The following PRKN variants were observed in gnomAD, a reference collection of about 807,000 sequenced individuals.
PRKN encodes parkin RBR E3 ubiquitin protein ligase, also known as E3 ubiquitin-protein ligase parkin.
In PRKN, 56 loss-of-function variants were observed where a neutral mutation model predicts 59.5. The ratio of observed to expected loss-of-function variants is 0.94; its 90% CI spans 0.76 to 1.18. PRKN has a LOEUF of 1.18. PRKN is among the 50% of genes most tolerant of loss of function. PRKN has a pLI of 0.00. For missense variants in PRKN, 657 were observed against 596.4 expected, an observed-to-expected ratio of 1.10 and a Z score of -1.06; for synonymous variants, 250 against 222.1, an observed-to-expected ratio of 1.13 and a Z score of -1.12.
chr6:161,876,553 T>A (rs537916250), intron 6 of PRKN, among the ~76,000 whole-genome samples: 1 of 152,274 alleles, frequency 6.6e-6, no homozygotes, highest in East Asian at 1.9e-4. Context: ...GCTCAAGTGA[T>A]CCTTTCTCCT....
intron 7 of PRKN, among the ~76,000 whole-genome samples, chr6:161,704,003 GCACCACCA>G (rs1331333000): frequency 6.6e-6 from 1 of 151,788 alleles, no homozygotes; most frequent in Non-Finnish European, 1.5e-5. Context: ...TTACAGGCAT[GCACCACCA>G]CACCTGGCTA....
chr6:161,469,541 AAGAGAAAGAGAGAG>A (rs1790666331), intron 9 of PRKN, among the ~76,000 whole-genome samples: 1 of 141,404 alleles, frequency 7.1e-6, no homozygotes. Context: ...TCCAGTGAAC[AAGAGAAAGAGAGAG>A]AGAGAGAGAG....
intron 4 of PRKN, among the ~76,000 whole-genome samples, chr6:162,178,403 A>G (rs1411847088): frequency 6.6e-6 from 1 of 152,138 alleles, no homozygotes; most frequent in Admixed American, 6.6e-5. Flanking sequence ...TCGCTCAGCA[A>G]TCTTGGCCCT....
chr6:161,553,272 G>T (rs2064419), intron 8 of PRKN, among the ~76,000 whole-genome samples: 71,623 of 151,828 alleles, frequency 0.47, 17,158 homozygotes, highest in East Asian at 0.67. Context: ...TAATGCACCT[G>T]GATAATTTTT....
At chr6:162,705,567 G>A (rs917138451) in intron 1 of PRKN, among the ~76,000 whole-genome samples, 20 of 152,214 alleles carry the variant, frequency 1.3e-4, no homozygotes, top group African/African-American at 3.9e-4. Flanking sequence ...CATCAGTCAT[G>A]GAAAGACATC....
chr6:162,720,782 G>A (rs763134699), intron 1 of PRKN, among the ~76,000 whole-genome samples: 1 of 152,170 alleles, frequency 6.6e-6, no homozygotes, highest in East Asian at 1.9e-4. Flanking sequence ...CTAGGTATAT[G>A]AGTCATGCAG....
intron 5 of PRKN, among the ~76,000 whole-genome samples, chr6:161,994,040 T>G (rs1288246483): frequency 1.3e-5 from 2 of 152,124 alleles, no homozygotes; most frequent in African/African-American, 4.8e-5. Flanking sequence ...GGTGATGAAA[T>G]TTCAACATAA....
chr6:161,401,926 G>A lies in PRKN; in HGVS notation c.1084-15049C>T, dbSNP rs1583022538. Among the ~76,000 whole-genome samples, 2 of 152,332 alleles carry A rather than the reference G, an allele frequency of 1.3e-5. No individual in the cohort carries two copies. Among genetic ancestry groups the A allele is most frequent in the East Asian group, 1.9e-4 (1 of 5,180 alleles). The stretch of plus-strand genomic sequence containing the variant: ...TCACACACCAATCTCTGGAGCGGAA[G>A]CCGTTAATGCTTCTACTTATATTCT... On this transcript the variant is annotated intron_variant, in intron 9 of 11. Coordinates refer to ENST00000366898, the MANE Select transcript of PRKN (RefSeq NM_004562.3). The surrounding 1 kb of genome is among the most constrained non-coding windows in gnomAD (Gnocchi z 4.4).
chr6:162,148,969 G>T (rs1322331524), intron 4 of PRKN, among the ~76,000 whole-genome samples: 3 of 152,130 alleles, frequency 2.0e-5, no homozygotes, highest in Non-Finnish European at 2.9e-5. Context: ...CAGGGTGGGG[G>T]TACTTACGGG....
chr6:161,572,190 C>A (rs1240486899), intron 7 of PRKN, among the ~76,000 whole-genome samples: 1 of 152,158 alleles, frequency 6.6e-6, no homozygotes, highest in Non-Finnish European at 1.5e-5. Flanking sequence ...TGAGTTATTT[C>A]CAATTCCAAA....
rs963875911 is a variant in PRKN, at chr6:161,481,170, C to T, written c.1083+67684G>A. 3.3e-5 allele frequency among the ~76,000 whole-genome samples: 5 copies of T among 152,148 alleles called. No individual in the cohort carries two copies. In the South Asian group the frequency reaches 6.2e-4, roughly 19 times the overall value. ...CATATTCCTTAAAAGCTATTCAAAC[C>T]GTATCAAGATTTTTTTAGAAAGGGC... On this transcript the variant is annotated intron_variant, in intron 9 of 11. Transcript: ENST00000366898.
chr6:161,682,702 A>T (rs1419667990), intron 7 of PRKN, among the ~76,000 whole-genome samples: 1 of 152,156 alleles, frequency 6.6e-6, no homozygotes, highest in Non-Finnish European at 1.5e-5. Flanking sequence ...TTTCATTCGG[A>T]AACACTTGGC....
At chr6:161,639,171 G>A (rs999557594) in intron 7 of PRKN, among the ~76,000 whole-genome samples, 7 of 152,100 alleles carry the variant, frequency 4.6e-5, no homozygotes, top group African/African-American at 7.2e-5. Context: ...GTGGAACTTT[G>A]AGTCAATTAA....
chr6:161,410,743 A>C lies in PRKN; in HGVS notation c.1084-23866T>G, dbSNP rs1787500266. ...GAGGGAGGGGCAACAGTGCCATGGG[A>C]AATGCATCATTGGTGCTCATGACAA... On this transcript the variant is annotated intron_variant, in intron 9 of 11. Coordinates refer to ENST00000366898, the MANE Select transcript of PRKN (RefSeq NM_004562.3). The surrounding 1 kb of genome is among the most constrained non-coding windows in gnomAD (Gnocchi z 5.3). Among the ~76,000 whole-genome samples, 1 of 152,130 alleles carries C rather than the reference A, an allele frequency of 6.6e-6. No homozygotes were observed. The highest frequency in any genetic ancestry group is 2.4e-5 in the African/African-American group (1 of 41,404).
intron 7 of PRKN, among the ~76,000 whole-genome samples, chr6:161,666,582 A>C (rs1437536596): frequency 6.6e-6 from 1 of 152,244 alleles, no homozygotes; most frequent in Non-Finnish European, 1.5e-5. Context: ...TAAGTAAGAA[A>C]AAAGCCAGTG....
rs1787702182 is a variant in PRKN at position 161,413,766 on chromosome 6, T to C, written c.1084-26889A>G. On this transcript the variant is annotated intron_variant, in intron 9 of 11. Transcript: ENST00000366898. This position sits in a 1 kb window ranked among gnomAD's most constrained non-coding sequence, Gnocchi z 4.4. ...CAAGGATAATGCCACACAAATGAGA[T>C]GTTCCAGCTCCCTAGCTCTGAGGAA... Among the ~76,000 whole-genome samples, 1 of 152,140 alleles carries C rather than the reference T, an allele frequency of 6.6e-6. No individual in the cohort carries two copies. Among genetic ancestry groups the C allele is most frequent in the African/African-American group, 2.4e-5 (1 of 41,416 alleles).
chr6:161,587,710 T>C (rs990963449), intron 7 of PRKN, among the ~76,000 whole-genome samples: 2 of 152,172 alleles, frequency 1.3e-5, no homozygotes, highest in African/African-American at 4.8e-5. Flanking sequence ...GTAAGTTCTT[T>C]AGTGGTGATA....
intron 4 of PRKN, among the ~76,000 whole-genome samples, chr6:162,185,112 A>T (rs2128324363): frequency 1.3e-5 from 2 of 152,248 alleles, no homozygotes; most frequent in Middle Eastern, 3.4e-3. Context: ...ATTTTCCTAG[A>T]TTTGTGATAT....
At chr6:162,066,888 T>C (rs1439827734) in intron 4 of PRKN, among the ~76,000 whole-genome samples, 5 of 152,202 alleles carry the variant, frequency 3.3e-5, no homozygotes, top group Admixed American at 6.5e-5. Flanking sequence ...CTTTCAGTTG[T>C]CTCCTCTCTT....
Sources: allele counts gnomAD v4.1 joint callset (sites outside exome capture counted in the v4.1 genomes callset), GRCh38; gene constraint gnomAD v4.1.1; non-coding constraint Gnocchi (gnomAD v3.1); transcripts MANE v1.5; gene names NCBI Gene and HGNC (gene_info 2026-07-23, HGNC 2026-07-21).